CDKL5: variants seen among roughly 807,000 people sequenced by gnomAD.
CDKL5 encodes cyclin dependent kinase like 5.
In CDKL5, 8 loss-of-function variants were observed where a neutral mutation model predicts 61.7. The ratio of observed to expected loss-of-function variants is 0.13; its 90% confidence interval spans 0.08 to 0.23. CDKL5 has a LOEUF of 0.23. Ranked by LOEUF, CDKL5 falls within the 10% of genes least tolerant of loss-of-function variation. The pLI is 1.00. For synonymous variants in CDKL5, 275 were observed against 272.3 expected (o/e 1.01, Z -0.10); for missense variants, 440 against 734.5 (o/e 0.60, Z 4.63).
At chrX:18,432,018 C>T (rs1206055772) in intron 1 of CDKL5, among the ~76,000 whole-genome samples, 1 of 110,191 alleles carries the variant, frequency 9.1e-6, no homozygotes, top group African/African-American at 3.3e-5. Flanking sequence ...GAGCGATCCT[C>T]CCACCTCAGC....
At chrX:18,606,710 G>T (rs1253578907) in intron 12 of CDKL5, among the ~76,000 whole-genome samples, 1 of 112,224 alleles carries the variant, frequency 8.9e-6, no homozygotes, top group Non-Finnish European at 1.9e-5. Context: ...GGAGAAGGAA[G>T]GTAACAGATG....
chrX:18,545,250 A>ATAC (rs1257319559), intron 3 of CDKL5, among the ~76,000 whole-genome samples: 2 of 111,074 alleles, frequency 1.8e-5, no homozygotes, highest in Non-Finnish European at 3.8e-5. Context: ...AATAATAATA[A>ATAC]TAAAGAAAAA....
chrX:18,645,928 T>C (rs892140990), intron 19 of CDKL5: 2 of 1,202,000 alleles, frequency 1.7e-6, no homozygotes, highest in Non-Finnish European at 2.2e-6. Flanking sequence ...TGGGCAGAAG[T>C]GGCCAATAGA....
intron 20 of CDKL5, among the ~76,000 whole-genome samples, chrX:18,649,753 T>C (rs1457406789): frequency 8.9e-6 from 1 of 112,431 alleles, no homozygotes; most frequent in Non-Finnish European, 1.9e-5. Context: ...ACATTCTTTC[T>C]GTGGGCTGGG....
intron 1 of CDKL5, among the ~76,000 whole-genome samples, chrX:18,451,174 A>G (rs1175020720): frequency 9.0e-6 from 1 of 111,439 alleles, no homozygotes; most frequent in African/African-American, 3.3e-5. Context: ...GCCCATACCT[A>G]AATCTTATCT....
At chrX:18,457,426 A>G (rs943576840) in intron 1 of CDKL5, 3 of 111,017 alleles carry the variant, frequency 2.7e-5, no homozygotes, top group African/African-American at 6.5e-5. Context: ...TTTATTGAAC[A>G]CTTTCTCTGT....
chrX:18,507,072 T>C lies in CDKL5; in HGVS notation c.-25T>C, dbSNP rs1245112194. On this transcript the variant is annotated 5_prime_UTR_variant, in exon 2 of 18. Transcript: ENST00000623535. The stretch of plus-strand genomic sequence containing the variant: ...TCTTTTGGTGCCATGTTTTGTGGCT[T>C]GCATCAAAAGAGGAGTTTGTCTTCA... The C allele has an allele frequency of 2.7e-6, 3 of 1,118,887 alleles. No homozygotes were observed. Among genetic ancestry groups the C allele is most frequent in the Non-Finnish European group, 3.7e-6 (3 of 812,493 alleles). The allele number at this position is 1,118,887 out of a possible 1,213,427, so 92.2% of individuals were successfully genotyped here. A position where few individuals can be genotyped will look rare whatever the true frequency, so the allele number is the denominator to read the frequency against.
intron 3 of CDKL5, among the ~76,000 whole-genome samples, chrX:18,553,366 T>C (rs1924465569): frequency 9.0e-6 from 1 of 111,237 alleles, no homozygotes; most frequent in African/African-American, 3.3e-5. Context: ...GCAGAGATGG[T>C]AGAAGAGATT....
Position 18,635,020 on chromosome X carries a change from AT to A in CDKL5, c.*6265del. ...CTTAATTGCACAGACTTTATAATCC[AT>A]TATATAAAGTGTAATTCCATACTTT... On this transcript the variant is annotated 3_prime_UTR_variant, in exon 18 of 18. Coordinates refer to ENST00000623535, the MANE Select transcript of CDKL5 (RefSeq NM_001323289.2). 2 of 748,135 alleles carry A rather than the reference AT, an allele frequency of 2.7e-6. No individual in the cohort carries two copies. Among genetic ancestry groups the A allele is most frequent in the South Asian group, 6.9e-5 (1 of 14,554 alleles). 61.7% of individuals were successfully genotyped at this position (748,135 alleles called of 1,213,427 possible). A position where few individuals can be genotyped will look rare whatever the true frequency, so the allele number is the denominator to read the frequency against.
rs1400638443 is a variant in CDKL5 at position 18,469,087 on chromosome X, G to C, written c.-162-37848G>C. Among the ~76,000 whole-genome samples the C allele has an allele frequency of 4.6e-5, 5 of 108,744 alleles. No homozygotes were observed. The Admixed American group carries it at 5.0e-4, about 11-fold the overall frequency. The allele number at this position is 108,744 out of a possible 115,157, so 94.4% of individuals were successfully genotyped here. ...GGCGTGGTGGCTAACGCCTATAATTGCAGCACTTTGGGAGGCTGAGGCGGG... is the reference window on the plus strand; with the variant it reads ...GGCGTGGTGGCTAACGCCTATAATTCCAGCACTTTGGGAGGCTGAGGCGGG... On this transcript the variant is annotated intron_variant, in intron 1 of 17. Coordinates refer to ENST00000623535, the MANE Select transcript of CDKL5 (RefSeq NM_001323289.2).
chrX:18,626,720 C>G (rs1927065444), intron 17 of CDKL5: 1 of 39,945 alleles, frequency 2.5e-5, no homozygotes, highest in African/African-American at 1.1e-4. Flanking sequence ...CTCTCTCTCT[C>G]TCTCCCCCCT....
intron 3 of CDKL5, among the ~76,000 whole-genome samples, chrX:18,554,663 G>A (rs193106132): frequency 5.4e-5 from 6 of 110,595 alleles, no homozygotes; most frequent in Non-Finnish European, 9.5e-5. Flanking sequence ...TGATCCGTCC[G>A]CTTCGGCCTC....
chrX:18,623,665 A>C (rs1926953554), intron 16 of CDKL5, among the ~76,000 whole-genome samples: 1 of 111,380 alleles, frequency 9.0e-6, no homozygotes, highest in Admixed American at 9.6e-5. Context: ...CTCACATTAT[A>C]TACTTAGAAG....
chrX:18,447,634 C>T (rs1251623976), intron 1 of CDKL5, among the ~76,000 whole-genome samples: 1 of 110,700 alleles, frequency 9.0e-6, no homozygotes, highest in Non-Finnish European at 1.9e-5. Context: ...CCATTGTCAT[C>T]CTTGTTCTCC....
chrX:18,632,545 A>G lies in CDKL5; in HGVS notation c.*3788A>G, dbSNP rs1927265339. On this transcript the variant is annotated 3_prime_UTR_variant, in exon 18 of 18. Coordinates refer to ENST00000623535, the MANE Select transcript of CDKL5 (RefSeq NM_001323289.2). ...AATATTAGCATATGGCAGACCAATT[A>G]GAAGCAAAAAAGTCCGTATTGGTGG... 4 of 753,815 alleles carry G rather than the reference A, an allele frequency of 5.3e-6. No homozygotes were observed. Among genetic ancestry groups the G allele is most frequent in the Non-Finnish European group, 6.3e-6 (4 of 638,661 alleles). 62.1% of individuals were successfully genotyped at this position (753,815 alleles called of 1,213,427 possible).
chrX:18,449,477 G>T (rs1342162887), intron 1 of CDKL5, among the ~76,000 whole-genome samples: 1 of 110,842 alleles, frequency 9.0e-6, no homozygotes, highest in African/African-American at 3.3e-5. Flanking sequence ...TAAGATACTG[G>T]CCTTATATCC....
At chrX:18,564,399 T>TATAC (rs1381695731) in intron 3 of CDKL5, 78 bp from the exon 4 acceptor site, 2 of 660,169 alleles carry the variant, frequency 3.0e-6, no homozygotes, top group East Asian at 6.7e-5. Flanking sequence ...TGTCCCAGAA[T>TATAC]ATACCCCCAG....
intron 20 of CDKL5, among the ~76,000 whole-genome samples, chrX:18,648,523 G>A (rs1011336433): frequency 7.2e-5 from 8 of 111,261 alleles, no homozygotes; most frequent in Non-Finnish European, 5.7e-5. Context: ...GATTACAGGT[G>A]TGAGCCATCA....
chrX:18,441,908 T>G (rs1295729755), intron 1 of CDKL5, among the ~76,000 whole-genome samples: 1 of 111,170 alleles, frequency 9.0e-6, no homozygotes, highest in African/African-American at 3.3e-5. Context: ...TGATTAAGCC[T>G]CAGTTTCAGG....
Sources: allele counts gnomAD v4.1 joint callset (sites outside exome capture counted in the v4.1 genomes callset), GRCh38; gene constraint gnomAD v4.1.1; transcripts MANE v1.5; gene names NCBI Gene and HGNC (gene_info 2026-07-23, HGNC 2026-07-21).